The following SMARCC1 variants were observed in gnomAD, a reference collection of about 807,000 sequenced individuals.
SMARCC1 encodes SWI/SNF related BAF chromatin remodeling complex subunit C1, also known as SWI/SNF complex subunit SMARCC1.
A neutral mutation model predicts 147.4 loss-of-function variants in SMARCC1; 43 were observed. That is an observed-to-expected ratio of 0.29 (90% CI 0.23 to 0.38). The LOEUF (loss-of-function observed/expected upper bound fraction) is 0.38, where lower values mean the gene tolerates loss of function less well. SMARCC1 is among the 10% of genes least tolerant of loss of function. The pLI, the probability that SMARCC1 is intolerant of heterozygous loss-of-function variation, is 1.00. For missense variants in SMARCC1, 1,119 were observed against 1,381.1 expected, an observed-to-expected ratio of 0.81 and a Z score of 3.01; for synonymous variants, 495 against 484.4, an observed-to-expected ratio of 1.02 and a Z score of -0.29.
intron 11 of SMARCC1, among the ~76,000 whole-genome samples, chr3:47,694,740 T>C (rs1026915226): frequency 6.6e-6 from 1 of 152,216 alleles, no homozygotes; most frequent in African/African-American, 2.4e-5. Context: ...TTGAAAATCT[T>C]ATAGATGAAA....
chr3:47,687,283 A>G (rs916887317), intron 13 of SMARCC1, among the ~76,000 whole-genome samples: 1 of 152,222 alleles, frequency 6.6e-6, no homozygotes, highest in Admixed American at 6.5e-5. Context: ...CTAGCAAAAA[A>G]TATTCTCAAT....
intron 3 of SMARCC1, among the ~76,000 whole-genome samples, chr3:47,740,360 T>C (rs1576427611): frequency 1.3e-5 from 2 of 151,712 alleles, no homozygotes; most frequent in Non-Finnish European, 2.9e-5. Flanking sequence ...CACACCCTGC[T>C]AATCTTTTGT....
intron 6 of SMARCC1, among the ~76,000 whole-genome samples, chr3:47,723,355 G>GTTTT (rs71070218): frequency 1.0e-3 from 108 of 106,652 alleles, no homozygotes; most frequent in Non-Finnish European, 1.4e-3. Flanking sequence ...TTTTTGTTGG[G>GTTTT]TTTTTTTTTT....
chr3:47,728,896 C>T, intron 6 of SMARCC1, 129 bp downstream of exon 6: 1 of 526,372 alleles, frequency 1.9e-6, no homozygotes, highest in South Asian at 3.6e-5. Flanking sequence ...GGGCGACAGA[C>T]TCCATCTTCA....
At chr3:47,692,493 AAG>A (rs1328626470) in intron 12 of SMARCC1, among the ~76,000 whole-genome samples, 1 of 152,236 alleles carries the variant, frequency 6.6e-6, no homozygotes, top group African/African-American at 2.4e-5. Flanking sequence ...ACATTTGAAA[AAG>A]TACTTTAATT....
At chr3:47,773,035 AAT>A in intron 1 of SMARCC1, 99 bp from the exon 2 acceptor site, 1 of 1,015,200 alleles carries the variant, frequency 9.9e-7, no homozygotes, top group South Asian at 1.7e-5. Context: ...CGTTATGGGA[AAT>A]TTATAGATGT....
chr3:47,643,972 C>A (rs1405412852), intron 21 of SMARCC1, among the ~76,000 whole-genome samples: 1 of 152,128 alleles, frequency 6.6e-6, no homozygotes, highest in Non-Finnish European at 1.5e-5. Flanking sequence ...GGGAGGAATG[C>A]GGCCAGCAAT....
chr3:47,714,937 C>T (rs571869064), intron 7 of SMARCC1, among the ~76,000 whole-genome samples: 58 of 152,224 alleles, frequency 3.8e-4, no homozygotes, highest in African/African-American at 1.3e-3. Context: ...TTGCTAAACC[C>T]GAAGTTCAAG....
intron 26 of SMARCC1, among the ~76,000 whole-genome samples, chr3:47,608,909 T>C (rs1295321234): frequency 2.8e-5 from 4 of 144,106 alleles, no homozygotes; most frequent in East Asian, 2.1e-4. Flanking sequence ...CTCTGGTTTA[T>C]AGGAAATGTG....
At chr3:47,623,533 A>G (rs1397893789) in intron 24 of SMARCC1, among the ~76,000 whole-genome samples, 1 of 152,224 alleles carries the variant, frequency 6.6e-6, no homozygotes, top group Non-Finnish European at 1.5e-5. Context: ...AGAAATGTAG[A>G]CAAGAGGTGA....
At chr3:47,634,417 T>C (rs915365413) in intron 24 of SMARCC1, among the ~76,000 whole-genome samples, 1 of 152,148 alleles carries the variant, frequency 6.6e-6, no homozygotes, top group African/African-American at 2.4e-5. Context: ...AGCTGAATGA[T>C]CTGGGGAATT....
chr3:47,603,361 G>A (rs899055845), intron 26 of SMARCC1: 1 of 152,120 alleles, frequency 6.6e-6, no homozygotes, highest in African/African-American at 2.4e-5. Flanking sequence ...GGTAGAGGTT[G>A]AGGTGAGCCA....
Position 47,689,369 on chromosome 3 carries a change from G to A in SMARCC1, c.1263+18C>T. 1 of 1,606,194 alleles carries A rather than the reference G, an allele frequency of 6.2e-7. No individual in the cohort carries two copies. On this transcript the variant is annotated intron_variant, in intron 13 of 27. Transcript: ENST00000254480. ...CCTTAGAGAAGCTCTCTCACACCAG[G>A]CTTAACTGAATTGTTACCTTTCCTC...
intron 18 of SMARCC1, among the ~76,000 whole-genome samples, chr3:47,672,566 C>T (rs530187536): frequency 6.6e-6 from 1 of 152,246 alleles, no homozygotes; most frequent in South Asian, 2.1e-4. Context: ...CAGAGGTAAT[C>T]ACCAATCAGA....
chr3:47,774,122 G>A (rs1418852191), intron 1 of SMARCC1, among the ~76,000 whole-genome samples: 1 of 151,826 alleles, frequency 6.6e-6, no homozygotes, highest in South Asian at 2.1e-4. Flanking sequence ...GTGGTGTATG[G>A]TCAAAATTAC....
At chr3:47,626,762 G>A (rs2032816823) in intron 24 of SMARCC1, among the ~76,000 whole-genome samples, 1 of 152,146 alleles carries the variant, frequency 6.6e-6, no homozygotes, top group African/African-American at 2.4e-5. Context: ...CTAAGCCCAG[G>A]CCTTACAATC....
chr3:47,689,482 T>G, intron 12 of SMARCC1, 58 bp from the exon 13 acceptor site: 1 of 1,458,882 alleles, frequency 6.9e-7, no homozygotes, highest in Non-Finnish European at 9.6e-7. Flanking sequence ...TTTGGGTTAT[T>G]TGGAAAATTA....
intron 24 of SMARCC1, among the ~76,000 whole-genome samples, chr3:47,623,036 G>A (rs867123777): frequency 4.6e-5 from 7 of 151,074 alleles, no homozygotes; most frequent in Middle Eastern, 6.8e-3. Flanking sequence ...CTCTATAGAC[G>A]TCATCCAAGA....
Position 47,656,742 on chromosome 3 carries a change from C to T in SMARCC1, c.2320+4552G>A, listed in dbSNP as rs187105479. 2.1e-3 allele frequency among the ~76,000 whole-genome samples: 313 copies of T among 152,038 alleles called. 1 individual carries two copies. The highest frequency in any genetic ancestry group is 3.1e-3 in the Non-Finnish European group (211 of 67,958). On this transcript the variant is annotated intron_variant, in intron 21 of 27. Coordinates refer to ENST00000254480, the MANE Select transcript of SMARCC1 (RefSeq NM_003074.4). Reference sequence around the variant, plus strand: ...CCAGCCAGGAAATATGGTGAAACCCCGTCTCTACTAAAAATACAAAAATTA... The same window carrying T: ...CCAGCCAGGAAATATGGTGAAACCCTGTCTCTACTAAAAATACAAAAATTA...
Sources: gnomAD v4.1 joint callset for allele counts (sites outside exome capture counted in the v4.1 genomes callset) on GRCh38, gnomAD v4.1.1 for gene constraint, MANE v1.5 for transcripts, NCBI Gene and HGNC (gene_info 2026-07-23, HGNC 2026-07-21) for gene names.